Variants in EBF1 observed in about 807,000 individuals in gnomAD.
EBF1 encodes transcription factor COE1.
EBF1 carries 10 observed loss-of-function variants against 68.4 expected under a neutral mutation model. The ratio of observed to expected loss-of-function variants is 0.15; its 90% CI spans 0.09 to 0.25. The LOEUF (loss-of-function observed/expected upper bound fraction) is 0.25. EBF1 is among the 10% of genes least tolerant of loss of function. The pLI is 1.00. For synonymous variants in EBF1, 298 were observed against 299.8 expected (o/e 0.99, Z 0.06); for missense variants, 509 against 794.4 (o/e 0.64, Z 4.32).
At position 158,765,050 on chromosome 5, in the gene EBF1, GAAGAA is replaced by G. The variant is rs1772360739; in HGVS notation, c.1036+12358_1036+12362del. ...TACTTGTTTCTACAAACATTATGAT[GAAGAA>G]GAGACACATAGTGTCAGTAGTCAGA... On this transcript the variant is annotated intron_variant, in intron 10 of 15. Coordinates refer to ENST00000313708, the MANE Select transcript of EBF1 (RefSeq NM_024007.5). Among the ~76,000 whole-genome samples the G allele has an allele frequency of 2.0e-5, 3 of 152,272 alleles. No homozygotes were observed. In the South Asian group the frequency reaches 6.2e-4, roughly 32 times the overall value.
intron 6 of EBF1, among the ~76,000 whole-genome samples, chr5:158,923,869 G>C (rs561384691): frequency 6.6e-6 from 1 of 152,272 alleles, no homozygotes; most frequent in South Asian, 2.1e-4. Context: ...AATTACCTCT[G>C]AGCTCAAAAG....
In EBF1 at chr5:159,074,134, G is replaced by A. The variant is rs188204295; in HGVS notation, c.486-670C>T. Among the ~76,000 whole-genome samples, 4 of 152,222 alleles carry A rather than the reference G, an allele frequency of 2.6e-5. No homozygotes were observed. In the East Asian group the frequency reaches 7.7e-4, roughly 29 times the overall value. ...TCTGACCCTCACTTAAGTTTTCTGG[G>A]GGCATTATGGACATTGGAAGTAAAG... On this transcript the variant is annotated intron_variant, in intron 5 of 15. Coordinates refer to ENST00000313708, the MANE Select transcript of EBF1 (RefSeq NM_024007.5).
intron 10 of EBF1, among the ~76,000 whole-genome samples, chr5:158,770,417 G>A (rs1773634870): frequency 1.3e-5 from 2 of 152,094 alleles, no homozygotes; most frequent in South Asian, 2.1e-4. Context: ...TGAAGCCAGA[G>A]TTAGTTTGTT....
Position 158,948,265 on chromosome 5 carries a change from C to T in EBF1, c.555-108155G>A, listed in dbSNP as rs1368012916. ...TTGTCTCTGTGATGTAGGGGAGGCC[C>T]GAGGGCAGGCCAATGGCAGCTGCTG... On this transcript the variant is annotated intron_variant, in intron 6 of 15. Transcript: ENST00000313708. 5.9e-5 allele frequency among the ~76,000 whole-genome samples: 9 copies of T among 151,814 alleles called. No individual in the cohort carries two copies. The East Asian group carries it at 7.7e-4, about 13-fold the overall frequency.
In EBF1 at chr5:158,928,859, C is replaced by T. The variant is rs1385147043; in HGVS notation, c.555-88749G>A. Among the ~76,000 whole-genome samples the T allele has an allele frequency of 3.9e-5, 6 of 152,322 alleles. No homozygotes were observed. In the East Asian group the frequency reaches 9.6e-4, roughly 24 times the overall value. On this transcript the variant is annotated intron_variant, in intron 6 of 15. Transcript: ENST00000313708. ...TATATCTGCAAATGATCTCACTCTG[C>T]TTATGCTCTGCTGAAAAGCCAAATT...
intron 1 of EBF1, chr5:159,097,661 C>T: frequency 4.3e-6 from 1 of 234,638 alleles, no homozygotes; most frequent in East Asian, 6.0e-5. Flanking sequence ...AAGCCACATC[C>T]CCCCACCACC....
intron 8 of EBF1, among the ~76,000 whole-genome samples, chr5:158,812,511 T>G (rs1782868756): frequency 6.6e-6 from 1 of 152,064 alleles, no homozygotes. Flanking sequence ...CTGACAGATG[T>G]TAAGGTTAGA....
At chr5:159,044,621 T>C (rs1771952570) in intron 6 of EBF1, among the ~76,000 whole-genome samples, 1 of 152,186 alleles carries the variant, frequency 6.6e-6, no homozygotes, top group Admixed American at 6.5e-5. Flanking sequence ...AGAGTATTCA[T>C]ATAACATAAA....
chr5:158,883,874 T>G (rs1469069), intron 6 of EBF1, among the ~76,000 whole-genome samples: 61,906 of 151,924 alleles, frequency 0.41, 13,047 homozygotes, highest in South Asian at 0.64. Flanking sequence ...TCACAGTCTA[T>G]TATAAGAGCC....
At chr5:158,987,593 C>A (rs1281900547) in intron 6 of EBF1, among the ~76,000 whole-genome samples, 1 of 152,162 alleles carries the variant, frequency 6.6e-6, no homozygotes, top group Non-Finnish European at 1.5e-5. Context: ...ACATAGGCTC[C>A]ATAACCCTGT....
intron 6 of EBF1, among the ~76,000 whole-genome samples, chr5:158,916,564 ATAAAC>A (rs1247355692): frequency 4.6e-5 from 7 of 152,194 alleles, no homozygotes; most frequent in African/African-American, 1.7e-4. Context: ...TAGTAGGTGA[ATAAAC>A]TAAGGCTCAG....
intron 8 of EBF1, among the ~76,000 whole-genome samples, chr5:158,819,865 T>A (rs1401600643): frequency 6.6e-6 from 1 of 152,124 alleles, no homozygotes; most frequent in Non-Finnish European, 1.5e-5. Context: ...GGAAGACCAT[T>A]TTCCACGATC....
intron 11 of EBF1, among the ~76,000 whole-genome samples, chr5:158,724,953 T>C (rs989468450): frequency 1.3e-5 from 2 of 152,246 alleles, no homozygotes; most frequent in Non-Finnish European, 2.9e-5. Flanking sequence ...GCGACAGAGA[T>C]GCAACATATC....
intron 6 of EBF1, among the ~76,000 whole-genome samples, chr5:158,902,306 T>C (rs1165346964): frequency 6.6e-6 from 1 of 152,006 alleles, no homozygotes; most frequent in Non-Finnish European, 1.5e-5. Flanking sequence ...TCAAAATAAT[T>C]ACCTATCAAT....
At chr5:158,964,789 A>C (rs1202899933) in intron 6 of EBF1, among the ~76,000 whole-genome samples, 1 of 152,212 alleles carries the variant, frequency 6.6e-6, no homozygotes, top group Non-Finnish European at 1.5e-5. Context: ...CTCTTGGTAC[A>C]GTGTTTACTC....
intron 6 of EBF1, among the ~76,000 whole-genome samples, chr5:158,883,889 A>G (rs1038562451): frequency 5.3e-5 from 8 of 152,178 alleles, no homozygotes; most frequent in Admixed American, 6.5e-5. Flanking sequence ...AGAGCCATAT[A>G]TACTACTAAC....
At chr5:158,984,851 T>G (rs1361551456) in intron 6 of EBF1, 1 of 151,780 alleles carries the variant, frequency 6.6e-6, no homozygotes, top group East Asian at 1.9e-4. Context: ...GCCCGGCTAA[T>G]TTTTTGTATT....
chr5:158,946,399 T>C (rs998992265), intron 6 of EBF1, among the ~76,000 whole-genome samples: 8 of 152,214 alleles, frequency 5.3e-5, no homozygotes, highest in African/African-American at 1.4e-4. Context: ...ATGTTGATAC[T>C]ATTGCTTTCT....
At chr5:158,723,899 A>G (rs994813387) in intron 11 of EBF1, among the ~76,000 whole-genome samples, 1 of 152,190 alleles carries the variant, frequency 6.6e-6, no homozygotes, top group Non-Finnish European at 1.5e-5. Flanking sequence ...TTACATGTGC[A>G]GGCATTTGTG....
Sources: allele counts gnomAD v4.1 joint callset (sites outside exome capture counted in the v4.1 genomes callset), GRCh38; gene constraint gnomAD v4.1.1; transcripts MANE v1.5; gene names NCBI Gene and HGNC (gene_info 2026-07-23, HGNC 2026-07-21).